Variants in CFAP77 observed in about 807,000 individuals in gnomAD.
The protein encoded by CFAP77 is cilia and flagella associated protein 77.
A neutral mutation model predicts 31.1 loss-of-function variants in CFAP77; 25 were observed. The ratio of observed to expected loss-of-function variants is 0.80; its 90% CI spans 0.59 to 1.12. The LOEUF is 1.12. CFAP77 is among the 50% of genes most tolerant of loss of function. CFAP77 has a pLI of 0.00. For synonymous variants in CFAP77, 151 were observed against 159.9 expected, an observed-to-expected ratio of 0.94 and a Z score of 0.42; for missense variants, 377 against 397.3, an observed-to-expected ratio of 0.95 and a Z score of 0.44.
intron 5 of CFAP77, among the ~76,000 whole-genome samples, chr9:132,548,967 C>T (rs1362875170): frequency 6.6e-6 from 1 of 152,190 alleles, no homozygotes; most frequent in African/African-American, 2.4e-5. Context: ...CTTCGGGTCT[C>T]CTGGGCCCCT....
At chr9:132,492,113 C>A (rs1851662030) in intron 1 of CFAP77, among the ~76,000 whole-genome samples, 1 of 152,136 alleles carries the variant, frequency 6.6e-6, no homozygotes, top group African/African-American at 2.4e-5. Flanking sequence ...CATAGTGAGA[C>A]CCCATCTCTA....
intron 1 of CFAP77, among the ~76,000 whole-genome samples, chr9:132,456,035 A>G (rs1850906649): frequency 6.6e-6 from 1 of 152,202 alleles, no homozygotes; most frequent in African/African-American, 2.4e-5. Context: ...CAATGAGGAA[A>G]TGTGAGTGCT....
chr9:132,512,155 G>A (rs182003443), intron 3 of CFAP77, among the ~76,000 whole-genome samples: 8 of 152,274 alleles, frequency 5.3e-5, no homozygotes, highest in Admixed American at 2.6e-4. Context: ...GCGGGCTCTA[G>A]GGGAGGGTCT....
intron 1 of CFAP77, among the ~76,000 whole-genome samples, chr9:132,426,957 C>T (rs1301649551): frequency 6.6e-6 from 1 of 152,176 alleles, no homozygotes; most frequent in Admixed American, 6.5e-5. Context: ...GAAGATGGAT[C>T]TCAGCCGTAA....
chr9:132,531,369 C>T (rs1168707377), intron 3 of CFAP77, among the ~76,000 whole-genome samples: 5 of 152,156 alleles, frequency 3.3e-5, no homozygotes, highest in Admixed American at 3.3e-4. Context: ...GAATGAGCGC[C>T]CCCCGCGTGG....
At chr9:132,508,299 G>A (rs1048657639) in intron 3 of CFAP77, among the ~76,000 whole-genome samples, 2 of 152,222 alleles carry the variant, frequency 1.3e-5, no homozygotes, top group Non-Finnish European at 2.9e-5. Flanking sequence ...AATAGAGGTA[G>A]CAAGTTCAGA....
rs946970895 is a variant in CFAP77, at chr9:132,545,880, C to T, written c.732+2833C>T. Among the ~76,000 whole-genome samples the T allele has an allele frequency of 1.3e-5, 2 of 152,164 alleles. No individual in the cohort carries two copies. The highest frequency in any genetic ancestry group is 1.5e-5 in the Non-Finnish European group (1 of 68,028). ...AGGGCCTCCCGAGGACCCCTTCCCT[C>T]ACCTCCAGGCCCCACCCACAGGTCC... On this transcript the variant is annotated intron_variant, in intron 5 of 5. Transcript: ENST00000393216. This position sits in a 1 kb window ranked among gnomAD's most constrained non-coding sequence, Gnocchi z 4.6.
chr9:132,530,799 T>A (rs1035728194), intron 3 of CFAP77, among the ~76,000 whole-genome samples: 1 of 152,136 alleles, frequency 6.6e-6, no homozygotes, highest in Admixed American at 6.5e-5. Context: ...AGTTTTTTTC[T>A]TTCATGGGTT....
chr9:132,477,739 G>A (rs917783510), intron 1 of CFAP77, among the ~76,000 whole-genome samples: 1 of 152,184 alleles, frequency 6.6e-6, no homozygotes, highest in Admixed American at 6.5e-5. Context: ...TGAATGCCAA[G>A]GCAGGTGTCT....
At chr9:132,473,337 C>G (rs1387131854) in intron 1 of CFAP77, among the ~76,000 whole-genome samples, 1 of 152,132 alleles carries the variant, frequency 6.6e-6, no homozygotes, top group Non-Finnish European at 1.5e-5. Context: ...GCCAGGCATT[C>G]CCTCATCTAA....
intron 1 of CFAP77, among the ~76,000 whole-genome samples, chr9:132,411,109 C>A (rs571684724): frequency 6.6e-6 from 1 of 152,368 alleles, no homozygotes; most frequent in East Asian, 1.9e-4. Flanking sequence ...CCCTCCTCCC[C>A]ACCTTTAGCC....
At chr9:132,456,864 C>T (rs934803559) in intron 1 of CFAP77, among the ~76,000 whole-genome samples, 1 of 152,092 alleles carries the variant, frequency 6.6e-6, no homozygotes, top group Non-Finnish European at 1.5e-5. Flanking sequence ...GATTCTCATG[C>T]CTCAGCCTCC....
At chr9:132,437,503 ATTT>A (rs763301010) in intron 1 of CFAP77, among the ~76,000 whole-genome samples, 1 of 90,466 alleles carries the variant, frequency 1.1e-5, no homozygotes, top group African/African-American at 4.6e-5. Context: ...CCACTTTTGC[ATTT>A]TTTTTTTTTT....
chr9:132,513,938 CCT>C (rs1852091591), intron 3 of CFAP77, among the ~76,000 whole-genome samples: 2 of 131,614 alleles, frequency 1.5e-5, no homozygotes, highest in African/African-American at 5.6e-5. Flanking sequence ...CCCCTGTACC[CCT>C]GACCACAGAT....
chr9:132,522,752 C>A (rs1852289860), intron 3 of CFAP77, among the ~76,000 whole-genome samples: 1 of 152,182 alleles, frequency 6.6e-6, no homozygotes, highest in African/African-American at 2.4e-5. Context: ...TCCAGGAAGG[C>A]AGGATCACCC....
intron 3 of CFAP77, among the ~76,000 whole-genome samples, chr9:132,512,477 T>C (rs1399429747): frequency 6.6e-6 from 1 of 152,232 alleles, no homozygotes; most frequent in Admixed American, 6.5e-5. Flanking sequence ...ACTCTAATCA[T>C]CGAAGCATCT....
intron 1 of CFAP77, among the ~76,000 whole-genome samples, chr9:132,437,812 A>G (rs1459008592): frequency 6.7e-6 from 1 of 148,744 alleles, no homozygotes; most frequent in East Asian, 2.1e-4. Flanking sequence ...CGCCCGGCCC[A>G]CTTTTGCATT....
At chr9:132,534,610 C>CAAAA (rs201151199) in intron 3 of CFAP77, among the ~76,000 whole-genome samples, 5 of 64,054 alleles carry the variant, frequency 7.8e-5, no homozygotes, top group African/African-American at 2.0e-4. Flanking sequence ...GACTCTGTCT[C>CAAAA]AAAAAAAAAA....
rs796261071 is a variant in CFAP77 at position 132,545,507 on chromosome 9, G to A, written c.732+2460G>A. On this transcript the variant is annotated intron_variant, in intron 5 of 5. Transcript: ENST00000393216. This position sits in a 1 kb window ranked among gnomAD's most constrained non-coding sequence, Gnocchi z 4.6. Reference sequence around the variant, plus strand: ...GTTCGCCTCCTTTCCGAGGGTATTCGCAGGATGCTGGGAGTTAAAGCTGCA... The same window carrying A: ...GTTCGCCTCCTTTCCGAGGGTATTCACAGGATGCTGGGAGTTAAAGCTGCA... 8.5e-5 allele frequency among the ~76,000 whole-genome samples: 13 copies of A among 152,290 alleles called. No homozygotes were observed. The highest frequency in any genetic ancestry group is 2.6e-4 in the Admixed American group (4 of 15,300).
Sources: gnomAD v4.1 joint callset for allele counts (sites outside exome capture counted in the v4.1 genomes callset) on GRCh38, gnomAD v4.1.1 for gene constraint, Gnocchi (gnomAD v3.1) non-coding constraint, MANE v1.5 for transcripts, NCBI Gene and HGNC (gene_info 2026-07-23, HGNC 2026-07-21) for gene names.